The following NAA11 variants were observed in gnomAD, a reference collection of about 807,000 sequenced individuals.
NAA11 encodes N-alpha-acetyltransferase 11, NatA catalytic subunit.
NAA11 carries 15 observed loss-of-function variants against 16.1 expected under a neutral mutation model. The observed-to-expected ratio is 0.93, with a 90% CI of 0.62 to 1.44. NAA11 has a LOEUF of 1.44. Among genes scored for constraint, NAA11 ranks in the 40% most tolerant of loss-of-function variants. NAA11 has a pLI of 0.00. For synonymous variants in NAA11, 122 were observed against 112.4 expected (o/e 1.09, Z -0.54); for missense variants, 298 against 291.3 (o/e 1.02, Z -0.17).
Position 79,303,072 on chromosome 4 carries a change from CCTTTTATATATA to C in NAA11, c.*13-8970_*13-8959del, listed in dbSNP as rs1441535806. Among the ~76,000 whole-genome samples, 557 of 89,044 alleles carry C rather than the reference CCTTTTATATATA, an allele frequency of 6.3e-3. 9 individuals carry two copies. The highest frequency in any genetic ancestry group is 0.024 in the African/African-American group (534 of 21,980). 58.4% of individuals were successfully genotyped at this position (89,044 alleles called of 152,430 possible). ...CCTTTTCATTCCTGTTCTCTTGAGG[CCTTTTATATATA>C]TATATATATATATATATATATATAT... On this transcript the variant is annotated intron_variant and NMD_transcript_variant, in intron 1 of 2. Transcript: ENST00000511542.
the NAA11 span, among the ~76,000 whole-genome samples, chr4:79,167,492 G>A: frequency 1.3e-5 from 2 of 151,712 alleles, no homozygotes; most frequent in Admixed American, 6.6e-5. Flanking sequence ...ATTAAATGGG[G>A]AGTCATGAGG....
intron 1 of NAA11, among the ~76,000 whole-genome samples, chr4:79,324,865 A>C (rs917608493): frequency 6.6e-6 from 1 of 152,192 alleles, no homozygotes; most frequent in African/African-American, 2.4e-5. Flanking sequence ...GAATTCCATA[A>C]AGAAAAAAAT....
At chr4:79,203,927 T>C in the NAA11 span, among the ~76,000 whole-genome samples, 1 of 151,798 alleles carries the variant, frequency 6.6e-6, no homozygotes, top group African/African-American at 2.4e-5. Flanking sequence ...AACTCTGTTA[T>C]CATTAGAAAT....
rs142738081 is a variant in NAA11, at chr4:79,228,318, G to T, written c.*123-2048C>A. 6.9e-3 allele frequency among the ~76,000 whole-genome samples: 1,048 copies of T among 151,960 alleles called. 7 individuals carry two copies. The highest frequency in any genetic ancestry group is 0.037 in the Middle Eastern group (11 of 294). ...CAACTCTGACCACTAAAGAATTTTTGTTTTTAAGAATTTGGAAATTATTTT... is the reference window on the plus strand; with the variant it reads ...CAACTCTGACCACTAAAGAATTTTTTTTTTTAAGAATTTGGAAATTATTTT... On this transcript the variant is annotated intron_variant and NMD_transcript_variant, in intron 2 of 2. Coordinates refer to the NAA11 transcript ENST00000511542.
chr4:79,300,671 G>A (rs1254384146), intron 1 of NAA11, among the ~76,000 whole-genome samples: 1 of 152,192 alleles, frequency 6.6e-6, no homozygotes, highest in Non-Finnish European at 1.5e-5. Flanking sequence ...GGGCAAAAAT[G>A]TTGAAAAGTA....
chr4:79,214,918 C>A, the NAA11 span, among the ~76,000 whole-genome samples: 1 of 152,170 alleles, frequency 6.6e-6, no homozygotes, highest in Admixed American at 6.5e-5. Context: ...CAGATGCCAC[C>A]CCCTCAATCT....
chr4:79,299,231 A>G (rs952743501), intron 1 of NAA11: 2 of 152,232 alleles, frequency 1.3e-5, no homozygotes, highest in East Asian at 3.8e-4. Flanking sequence ...ATATTTTACC[A>G]ATAAGAAAAC....
intron 1 of NAA11, among the ~76,000 whole-genome samples, chr4:79,305,553 G>A (rs1161614931): frequency 6.6e-6 from 1 of 152,160 alleles, no homozygotes; most frequent in Non-Finnish European, 1.5e-5. Flanking sequence ...GCTGGCACAT[G>A]TTCACCTGCA....
chr4:79,297,427 G>A lies in NAA11; in HGVS notation c.*13-3313C>T, dbSNP rs766719829. Reference sequence around the variant, plus strand: ...CTGCCACACACTCCATGGAGTGGGCGAGAGCTCCGCCCTCCCAAACGTAGG... The same window carrying A: ...CTGCCACACACTCCATGGAGTGGGCAAGAGCTCCGCCCTCCCAAACGTAGG... On this transcript the variant is annotated intron_variant and NMD_transcript_variant, in intron 1 of 2. Coordinates refer to the NAA11 transcript ENST00000511542. Among the ~76,000 whole-genome samples, 65 of 152,172 alleles carry A rather than the reference G, an allele frequency of 4.3e-4. 1 individual carries two copies. The highest frequency in any genetic ancestry group is 5.4e-4 in the Non-Finnish European group (37 of 68,018).
At chr4:79,283,689 A>G (rs756669892) in intron 2 of NAA11, among the ~76,000 whole-genome samples, 1 of 152,144 alleles carries the variant, frequency 6.6e-6, no homozygotes, top group Non-Finnish European at 1.5e-5. Flanking sequence ...GAAGAGCTGT[A>G]TAGTCACTGT....
chr4:79,169,798 A>G, the NAA11 span, among the ~76,000 whole-genome samples: 151,176 of 152,310 alleles, frequency 0.99, 75,034 homozygotes, highest in Middle Eastern at 1. Context: ...CACCAAGGGG[A>G]ACATCTGCTC....
rs925860031 is a variant in NAA11 at position 79,326,038 on chromosome 4, A to T, written c.-161T>A. ...ATGGCGGGAAGGCGGAAGGAGCAGG[A>T]GATGGAAAAGATGGTGCCAAACTGC... On this transcript the variant is annotated 5_prime_UTR_variant, in exon 1 of 2. Transcript: ENST00000286794. The T allele has an allele frequency of 8.0e-6, 5 of 626,534 alleles. No homozygotes were observed. In the African/African-American group the frequency reaches 9.2e-5, roughly 12 times the overall value. The allele number at this position is 626,534 out of a possible 1,614,324, so 38.8% of individuals were successfully genotyped here.
the NAA11 span, among the ~76,000 whole-genome samples, chr4:79,175,720 A>G: frequency 6.8e-6 from 1 of 146,282 alleles, no homozygotes; most frequent in South Asian, 2.2e-4. Flanking sequence ...CTATGCATAC[A>G]GCTTTTTCAG....
At chr4:79,248,353 G>C (rs1465725171) in intron 2 of NAA11, among the ~76,000 whole-genome samples, 1 of 152,006 alleles carries the variant, frequency 6.6e-6, no homozygotes, top group African/African-American at 2.4e-5. Context: ...ACAATCGTTT[G>C]ATGGGTCATG....
At chr4:79,293,787 A>G (rs1420516800) in intron 2 of NAA11, among the ~76,000 whole-genome samples, 1 of 152,218 alleles carries the variant, frequency 6.6e-6, no homozygotes, top group Non-Finnish European at 1.5e-5. Context: ...GGTATGGTTT[A>G]AATGTGTCCC....
chr4:79,195,084 G>T, the NAA11 span, among the ~76,000 whole-genome samples: 4 of 152,098 alleles, frequency 2.6e-5, no homozygotes, highest in Non-Finnish European at 5.9e-5. Context: ...AAAAGTGAGA[G>T]ATTCAATTAA....
chr4:79,160,997 C>G, the NAA11 span, among the ~76,000 whole-genome samples: 1 of 152,252 alleles, frequency 6.6e-6, no homozygotes, highest in African/African-American at 2.4e-5. Context: ...GGTATCATGT[C>G]TAAGAGACCA....
In NAA11 at chr4:79,299,712, CT is replaced by C. The variant is rs1477303160; in HGVS notation, c.*13-5599del. 3.3e-5 allele frequency: 5 copies of C among 151,992 alleles called. No individual in the cohort carries two copies. In the East Asian group the frequency reaches 9.6e-4, roughly 29 times the overall value. 9.4% of individuals were successfully genotyped at this position (151,992 alleles called of 1,614,324 possible). On this transcript the variant is annotated intron_variant and NMD_transcript_variant, in intron 1 of 2. Coordinates refer to the NAA11 transcript ENST00000511542. Reference sequence around the variant, plus strand: ...CATAAGCATTGTTAAGCATTGTTTCCTCATTTTATGGATAAAGAATCTCAAA... The same window carrying C: ...CATAAGCATTGTTAAGCATTGTTTCCCATTTTATGGATAAAGAATCTCAAA...
At chr4:79,193,018 A>G in the NAA11 span, among the ~76,000 whole-genome samples, 3 of 152,178 alleles carry the variant, frequency 2.0e-5, no homozygotes, top group East Asian at 1.9e-4. Flanking sequence ...TGGCTGCATA[A>G]ATGTCTTCTT....
Sources: allele counts gnomAD v4.1 joint callset (sites outside exome capture counted in the v4.1 genomes callset), GRCh38; gene constraint gnomAD v4.1.1; transcripts MANE v1.5; gene names NCBI Gene and HGNC (gene_info 2026-07-23, HGNC 2026-07-21).